Variants in PAX5 observed in about 807,000 individuals in gnomAD.
PAX5 encodes paired box protein Pax-5.
A neutral mutation model predicts 43.7 loss-of-function variants in PAX5; 9 were observed. The ratio of observed to expected loss-of-function variants is 0.21; its 90% CI spans 0.12 to 0.36. PAX5 has a LOEUF of 0.36. Ranked by LOEUF, PAX5 falls within the 10% of genes least tolerant of loss-of-function variation. The pLI is 1.00. For synonymous variants in PAX5, 228 were observed against 214.3 expected (o/e 1.06, Z -0.56); for missense variants, 383 against 532.7 (o/e 0.72, Z 2.77).
At chr9:36,957,440 CA>C (rs1245809279) in intron 6 of PAX5, among the ~76,000 whole-genome samples, 1 of 152,052 alleles carries the variant, frequency 6.6e-6, no homozygotes, top group Non-Finnish European at 1.5e-5. Context: ...GTTCAGTACC[CA>C]AATCAATACC....
At chr9:37,009,103 A>C (rs1027514233) in intron 3 of PAX5, among the ~76,000 whole-genome samples, 3 of 152,222 alleles carry the variant, frequency 2.0e-5, no homozygotes, top group African/African-American at 7.2e-5. Flanking sequence ...CTGACTATTA[A>C]ATTTGTATGT....
chr9:37,032,630 T>C (rs1392744759), intron 1 of PAX5, among the ~76,000 whole-genome samples: 3 of 152,118 alleles, frequency 2.0e-5, no homozygotes, highest in African/African-American at 7.2e-5. Context: ...CTTAGGCTTG[T>C]ATTTGAGGCT....
intron 6 of PAX5, among the ~76,000 whole-genome samples, chr9:36,929,927 T>A (rs1393330119): frequency 6.6e-6 from 1 of 152,144 alleles, no homozygotes; most frequent in Admixed American, 6.5e-5. Context: ...GGTTTCACCA[T>A]GTTAGTCAGG....
chr9:36,986,104 C>T (rs1181269303), intron 5 of PAX5, among the ~76,000 whole-genome samples: 1 of 151,916 alleles, frequency 6.6e-6, no homozygotes, highest in Non-Finnish European at 1.5e-5. Flanking sequence ...CTCGCCCCGG[C>T]GCGCATCATC....
rs530702998 is a variant in PAX5, at chr9:36,837,483, C to G, written c.*3077G>C. 1 of 233,284 alleles carries G rather than the reference C, an allele frequency of 4.3e-6. No individual in the cohort carries two copies. Among genetic ancestry groups the G allele is most frequent in the Non-Finnish European group, 8.5e-6 (1 of 118,042 alleles). 14.5% of individuals were successfully genotyped at this position (233,284 alleles called of 1,614,324 possible). ...GGAAGAAGGCCCATGGAGAAATGCCCCAGGCCTTCTGCCACGATGCTGGTG... is the reference window on the plus strand; with the variant it reads ...GGAAGAAGGCCCATGGAGAAATGCCGCAGGCCTTCTGCCACGATGCTGGTG... On this transcript the variant is annotated 3_prime_UTR_variant, in exon 10 of 10. Coordinates refer to ENST00000358127, the MANE Select transcript of PAX5 (RefSeq NM_016734.3).
chr9:36,943,614 G>T (rs1162103360), intron 6 of PAX5, among the ~76,000 whole-genome samples: 1 of 150,202 alleles, frequency 6.7e-6, no homozygotes, highest in South Asian at 2.1e-4. Context: ...AAGGCCTAAG[G>T]ATCACTGTGT....
At chr9:36,903,519 G>A (rs1828570107) in intron 7 of PAX5, among the ~76,000 whole-genome samples, 1 of 152,256 alleles carries the variant, frequency 6.6e-6, no homozygotes, top group Non-Finnish European at 1.5e-5. Context: ...AGGGCTGGGA[G>A]GCTGCACAGC....
chr9:36,913,333 AAG>A (rs1829458699), intron 7 of PAX5, among the ~76,000 whole-genome samples: 1 of 152,252 alleles, frequency 6.6e-6, no homozygotes, highest in African/African-American at 2.4e-5. Context: ...TACTGATGCA[AAG>A]AGATGCTCCT....
At chr9:36,905,092 G>A (rs989764842) in intron 7 of PAX5, among the ~76,000 whole-genome samples, 3 of 152,250 alleles carry the variant, frequency 2.0e-5, no homozygotes, top group Non-Finnish European at 2.9e-5. Flanking sequence ...GTGCTCCAAG[G>A]AGACATGCAC....
chr9:36,915,455 C>T (rs1197282159), intron 7 of PAX5, among the ~76,000 whole-genome samples: 2 of 152,110 alleles, frequency 1.3e-5, no homozygotes, highest in Non-Finnish European at 2.9e-5. Context: ...CAGGTGAACA[C>T]GTTTTCATAT....
chr9:36,994,724 C>T (rs1377042635), intron 5 of PAX5, among the ~76,000 whole-genome samples: 3 of 152,210 alleles, frequency 2.0e-5, no homozygotes, highest in Admixed American at 2.0e-4. Context: ...TGACTGTTGC[C>T]TTGTGGGTTG....
intron 7 of PAX5, among the ~76,000 whole-genome samples, chr9:36,922,262 C>T (rs1830231770): frequency 6.6e-6 from 1 of 152,208 alleles, no homozygotes; most frequent in South Asian, 2.1e-4. Flanking sequence ...ACCCACAGTC[C>T]ACCTGCATGT....
At chr9:36,960,427 C>T (rs368248271) in intron 6 of PAX5, among the ~76,000 whole-genome samples, 28 of 152,140 alleles carry the variant, frequency 1.8e-4, no homozygotes, top group East Asian at 1.7e-3. Flanking sequence ...GGCCTGGCCA[C>T]AGCCCGAGGG....
In PAX5 at chr9:36,840,620, A is replaced by G. The variant is rs779803052; in HGVS notation, c.1116T>C (p.Tyr372=). 31 of 1,576,326 alleles carry G rather than the reference A, an allele frequency of 2.0e-5. No homozygotes were observed. The highest frequency in any genetic ancestry group is 1.7e-4 in the Middle Eastern group (1 of 6,030). Residue 372 remains tyrosine, a synonymous_variant, in exon 10 of 10, where the codon TAT becomes TAC. Transcript: ENST00000358127. ...GGGCGGCTCCTCGGGCGGCAGCGCT[A>G]TAATAGTAGGGGGAGCCTGGAAGAG... The part of the protein sequence containing the change: ...NPGLLGSPYY[Y]SAAARGAAPP...
intron 5 of PAX5, among the ~76,000 whole-genome samples, chr9:36,998,002 TCTG>T (rs1564058722): frequency 6.6e-6 from 1 of 152,254 alleles, no homozygotes; most frequent in African/African-American, 2.4e-5. Context: ...CCTTGACTCT[TCTG>T]CTCCTCATTT....
intron 8 of PAX5, among the ~76,000 whole-genome samples, chr9:36,863,335 C>A (rs1454521176): frequency 6.6e-6 from 1 of 152,228 alleles, no homozygotes; most frequent in Non-Finnish European, 1.5e-5. Flanking sequence ...ACCAGCATAG[C>A]TCACTGCAGC....
chr9:36,982,878 G>A (rs1477430225), intron 5 of PAX5, among the ~76,000 whole-genome samples: 1 of 150,718 alleles, frequency 6.6e-6, no homozygotes, highest in Admixed American at 6.6e-5. Flanking sequence ...ATACCCTAGA[G>A]AGAAACCCAT....
chr9:36,865,099 G>T (rs1824735575), intron 8 of PAX5, among the ~76,000 whole-genome samples: 1 of 152,208 alleles, frequency 6.6e-6, no homozygotes, highest in African/African-American at 2.4e-5. Context: ...AAAGCAGGCA[G>T]CCATTCAGGG....
At chr9:36,900,938 C>CT (rs397809092) in intron 7 of PAX5, among the ~76,000 whole-genome samples, 2 of 730 alleles carry the variant, frequency 2.7e-3, no homozygotes, top group East Asian at 0.25. Flanking sequence ...ACCAGGGGAG[C>CT]ATCGTTGATG....
Sources: allele counts gnomAD v4.1 joint callset (sites outside exome capture counted in the v4.1 genomes callset), GRCh38; gene constraint gnomAD v4.1.1; transcripts MANE v1.5; gene names NCBI Gene and HGNC (gene_info 2026-07-23, HGNC 2026-07-21).